Variants in GHR observed in about 807,000 individuals in gnomAD.
The protein encoded by GHR is GH receptor.
GHR carries 35 observed loss-of-function variants against 67.1 expected under a neutral mutation model. That is an observed-to-expected ratio of 0.52 (90% CI 0.40 to 0.69). GHR has a LOEUF of 0.69. Among genes scored for constraint, GHR ranks in the 30% least tolerant of loss-of-function variants. The pLI, the probability that GHR is intolerant of heterozygous loss-of-function variation, is 0.00. For missense variants in GHR, 792 were observed against 764.6 expected, an observed-to-expected ratio of 1.04 and a Z score of -0.42; for synonymous variants, 272 against 269.1, an observed-to-expected ratio of 1.01 and a Z score of -0.10.
intron 1 of GHR, among the ~76,000 whole-genome samples, chr5:42,534,745 C>T (rs1748179972): frequency 6.6e-6 from 1 of 152,072 alleles, no homozygotes; most frequent in Admixed American, 6.6e-5. Flanking sequence ...CGCTCTTTTC[C>T]ATAGTGGCTG....
At chr5:42,569,483 A>G (rs11949751) in intron 2 of GHR, among the ~76,000 whole-genome samples, 54,849 of 151,928 alleles carry the variant, frequency 0.36, 11,764 homozygotes, top group African/African-American at 0.6. Flanking sequence ...GGCCCTTGAA[A>G]AATCGGTAGC....
At chr5:42,594,976 C>G (rs559112747) in intron 2 of GHR, among the ~76,000 whole-genome samples, 17 of 152,168 alleles carry the variant, frequency 1.1e-4, no homozygotes, top group African/African-American at 3.9e-4. Flanking sequence ...ACTTTGTGAG[C>G]TCACCAATAT....
intron 4 of GHR, 50 bp downstream of exon 4, chr5:42,689,069 A>G: frequency 1.3e-6 from 2 of 1,498,758 alleles, no homozygotes; most frequent in Non-Finnish European, 1.9e-6. Flanking sequence ...TGTACCTACT[A>G]AAGTACACTG....
chr5:42,674,682 AT>A (rs34013013), intron 3 of GHR, among the ~76,000 whole-genome samples: 1 of 152,172 alleles, frequency 6.6e-6, no homozygotes, highest in African/African-American at 2.4e-5. Context: ...ATGTATCAGT[AT>A]TTTATTCCTT....
intron 3 of GHR, among the ~76,000 whole-genome samples, chr5:42,679,184 A>T (rs1277246976): frequency 7.0e-6 from 1 of 143,496 alleles, no homozygotes; most frequent in African/African-American, 2.5e-5. Flanking sequence ...TATATATTGT[A>T]TATTATATAT....
intron 1 of GHR, among the ~76,000 whole-genome samples, chr5:42,452,285 G>T (rs962182903): frequency 1.3e-5 from 2 of 152,066 alleles, no homozygotes; most frequent in Non-Finnish European, 2.9e-5. Context: ...AATCTGATAG[G>T]TTTTTCTTTA....
intron 5 of GHR, among the ~76,000 whole-genome samples, chr5:42,698,693 GTA>G (rs1363299040): frequency 6.6e-6 from 1 of 152,088 alleles, no homozygotes; most frequent in Non-Finnish European, 1.5e-5. Context: ...TCCTCACTGT[GTA>G]TATCTGTAAA....
intron 1 of GHR, among the ~76,000 whole-genome samples, chr5:42,535,065 T>C (rs912738087): frequency 2.0e-5 from 3 of 152,066 alleles, no homozygotes; most frequent in African/African-American, 4.8e-5. Flanking sequence ...TTAGTCCTTT[T>C]TCAGACGTAT....
intron 1 of GHR, among the ~76,000 whole-genome samples, chr5:42,510,498 T>C (rs898548145): frequency 1.9e-4 from 29 of 152,230 alleles, no homozygotes; most frequent in African/African-American, 6.5e-4. Context: ...GTAAAACTTT[T>C]TGGTCTGCAA....
intron 6 of GHR, among the ~76,000 whole-genome samples, chr5:42,707,933 A>G (rs139454839): frequency 1.3e-5 from 2 of 152,148 alleles, no homozygotes; most frequent in African/African-American, 4.8e-5. Flanking sequence ...GCATATTACC[A>G]TGAAAATATT....
At chr5:42,469,343 G>A (rs1359422871) in intron 1 of GHR, among the ~76,000 whole-genome samples, 2 of 152,296 alleles carry the variant, frequency 1.3e-5, no homozygotes, top group Middle Eastern at 3.4e-3. Flanking sequence ...TGCAGATTGG[G>A]ATACAAGAGA....
At chr5:42,478,739 C>A (rs927041901) in intron 1 of GHR, among the ~76,000 whole-genome samples, 9 of 152,122 alleles carry the variant, frequency 5.9e-5, no homozygotes, top group African/African-American at 2.2e-4. Context: ...GATTTTGTAT[C>A]CTGAGACTTT....
At chr5:42,649,112 A>G (rs756683073) in intron 3 of GHR, among the ~76,000 whole-genome samples, 3 of 152,220 alleles carry the variant, frequency 2.0e-5, no homozygotes, top group South Asian at 2.1e-4. Flanking sequence ...ACTTGGCTTC[A>G]GTTCTGACAC....
intron 3 of GHR, among the ~76,000 whole-genome samples, chr5:42,660,206 G>C (rs1755510048): frequency 6.6e-6 from 1 of 152,214 alleles, no homozygotes; most frequent in Non-Finnish European, 1.5e-5. Context: ...AAAGACAGCA[G>C]TAACCTCTGC....
At chr5:42,697,108 G>A (rs1757710390) in intron 5 of GHR, among the ~76,000 whole-genome samples, 1 of 152,238 alleles carries the variant, frequency 6.6e-6, no homozygotes, top group South Asian at 2.1e-4. Flanking sequence ...GCAAGGTGCT[G>A]AGAGTGAAAG....
chr5:42,657,022 A>T (rs961991493), intron 3 of GHR, among the ~76,000 whole-genome samples: 18 of 152,120 alleles, frequency 1.2e-4, no homozygotes, highest in Non-Finnish European at 1.5e-4. Flanking sequence ...ACATGGTCTT[A>T]ATCTTGTGTC....
intron 1 of GHR, among the ~76,000 whole-genome samples, chr5:42,534,233 TATGTGTATATATGTATATATGTAC>T (rs1258339590): frequency 8.3e-6 from 1 of 120,448 alleles, no homozygotes. Context: ...TACATGTGTA[TATGTGTATATATGTATATATGTAC>T]ATGTGTATAT....
intron 3 of GHR, among the ~76,000 whole-genome samples, chr5:42,655,335 G>A (rs1401044327): frequency 1.3e-5 from 2 of 152,120 alleles, no homozygotes; most frequent in Non-Finnish European, 2.9e-5. Context: ...AGAGGATAAG[G>A]AGCCCAGGGC....
chr5:42,445,747 T>C (rs569232318), intron 1 of GHR, among the ~76,000 whole-genome samples: 1 of 152,364 alleles, frequency 6.6e-6, no homozygotes, highest in Non-Finnish European at 1.5e-5. Flanking sequence ...TTCTGCTGAA[T>C]AAGGAAGTTC....
Sources: allele counts gnomAD v4.1 joint callset (sites outside exome capture counted in the v4.1 genomes callset), GRCh38; gene constraint gnomAD v4.1.1; transcripts MANE v1.5; gene names NCBI Gene and HGNC (gene_info 2026-07-23, HGNC 2026-07-21).